Variants in RPS6KA5 observed in about 807,000 individuals in gnomAD.
RPS6KA5 encodes the protein ribosomal protein S6 kinase A5.
Under a neutral mutation model 85.5 loss-of-function variants are expected in RPS6KA5, and 27 were observed. That is an observed-to-expected ratio of 0.32 (90% confidence interval 0.23 to 0.44). The LOEUF is 0.44. Among genes scored for constraint, RPS6KA5 ranks in the 20% least tolerant of loss-of-function variants. The probability of loss-of-function intolerance (pLI) is 1.00; values close to 1 mark genes in which losing one functional copy is unlikely to be tolerated. For synonymous variants in RPS6KA5, 334 were observed against 348.2 expected (o/e 0.96, Z 0.46); for missense variants, 811 against 980.9 (o/e 0.83, Z 2.31).
At chr14:90,938,799 C>A (rs1236037447) in intron 5 of RPS6KA5, among the ~76,000 whole-genome samples, 1 of 152,148 alleles carries the variant, frequency 6.6e-6, no homozygotes, top group African/African-American at 2.4e-5. Context: ...CTGTGCCCGG[C>A]CCAGAAAACC....
At chr14:90,961,095 C>G (rs2038773232) in intron 3 of RPS6KA5, among the ~76,000 whole-genome samples, 1 of 152,206 alleles carries the variant, frequency 6.6e-6, no homozygotes, top group Non-Finnish European at 1.5e-5. Flanking sequence ...AAGTTTGTAT[C>G]TGAACACAGC....
Position 90,978,378 on chromosome 14 carries a change from T to C in RPS6KA5, c.322A>G (p.Ile108Val). The C allele has an allele frequency of 3.1e-6, 5 of 1,613,736 alleles. No individual in the cohort carries two copies. Among genetic ancestry groups the C allele is most frequent in the South Asian group, 2.2e-5 (2 of 90,896 alleles). ...TRTERQVLEH[I>V]RQSPFLVTLH... ...GTTACCAAAAATGGCGACTGCCTAA[T>C]GTGTTCCAGGACTTGTCGTTCTGTC... Residue 108 changes from isoleucine (I) to valine (V), a missense_variant, in exon 3 of 17, where the codon ATT becomes GTT. By Grantham distance (29) the Ile-to-Val change is conservative. Around this residue, in one of 3 missense-constraint regions of RPS6KA5, gnomAD observed 48 missense variants for 87.6 expected, o/e 0.55. Transcript: ENST00000614987.
chr14:90,931,738 G>A (rs2036990756), intron 5 of RPS6KA5, among the ~76,000 whole-genome samples: 1 of 151,872 alleles, frequency 6.6e-6, no homozygotes, highest in South Asian at 2.1e-4. Context: ...TAACATCAGG[G>A]GAAAAAATGC....
At position 91,024,938 on chromosome 14, in the gene RPS6KA5, G is replaced by A. The variant is rs188824027; in HGVS notation, c.104-23779C>T. The stretch of plus-strand genomic sequence containing the variant: ...GCTCTGTCACCCAGGCTGGAGTGCA[G>A]TGGTGTGATCTCAGCTCACTGCAAC... On this transcript the variant is annotated intron_variant, in intron 1 of 16. Transcript: ENST00000614987. 1.8e-4 allele frequency among the ~76,000 whole-genome samples: 28 copies of A among 152,132 alleles called. 1 individual carries two copies. In the East Asian group the frequency reaches 5.4e-3, roughly 29 times the overall value.
At chr14:90,958,356 C>T (rs1487923226) in intron 3 of RPS6KA5, among the ~76,000 whole-genome samples, 1 of 152,084 alleles carries the variant, frequency 6.6e-6, no homozygotes, top group Non-Finnish European at 1.5e-5. Context: ...TGGTGTATCT[C>T]CAATAATCAG....
At chr14:91,004,187 G>C (rs1331800036) in intron 1 of RPS6KA5, among the ~76,000 whole-genome samples, 2 of 152,130 alleles carry the variant, frequency 1.3e-5, no homozygotes, top group Admixed American at 1.3e-4. Context: ...CCGGGTTCAC[G>C]CCATTCTCCT....
intron 3 of RPS6KA5, among the ~76,000 whole-genome samples, chr14:90,949,291 A>G (rs899183882): frequency 2.0e-5 from 3 of 152,232 alleles, no homozygotes; most frequent in Non-Finnish European, 4.4e-5. Context: ...GTCCAATTCA[A>G]TCATCTCTTC....
chr14:90,948,710 A>C (rs1158980411), intron 3 of RPS6KA5, among the ~76,000 whole-genome samples: 2 of 151,800 alleles, frequency 1.3e-5, no homozygotes, highest in African/African-American at 4.8e-5. Context: ...AAAAAACAAA[A>C]AAACCCCAAA....
chr14:90,948,433 A>G (rs2037987042), intron 3 of RPS6KA5, among the ~76,000 whole-genome samples: 1 of 152,226 alleles, frequency 6.6e-6, no homozygotes, highest in African/African-American at 2.4e-5. Flanking sequence ...GCAGTGGCTC[A>G]CGCCTGTAAT....
intron 1 of RPS6KA5, among the ~76,000 whole-genome samples, chr14:91,047,047 CAAAAA>C (rs34036525): frequency 1.0e-5 from 1 of 100,426 alleles, no homozygotes. Context: ...ACCCTGTCTC[CAAAAA>C]AAAAAAAAAA....
intron 1 of RPS6KA5, among the ~76,000 whole-genome samples, chr14:91,053,863 T>C (rs2043198165): frequency 6.6e-6 from 1 of 152,162 alleles, no homozygotes. Context: ...CTAGAATCCA[T>C]ATGGAAATAC....
rs886669385 is a variant in RPS6KA5, at chr14:90,855,089, A to G, written c.*16985T>C. 1.1e-4 allele frequency: 16 copies of G among 152,250 alleles called. No homozygotes were observed. The highest frequency in any genetic ancestry group is 3.9e-4 in the African/African-American group (16 of 41,472). 9.4% of individuals were successfully genotyped at this position (152,250 alleles called of 1,614,324 possible). A position where few individuals can be genotyped will look rare whatever the true frequency, so the allele number is the denominator to read the frequency against. On this transcript the variant is annotated 3_prime_UTR_variant, in exon 17 of 17. Transcript: ENST00000614987. ...GATATCTCCATCAGCGAATAAAAAG[A>G]TGTATAAGTTCACTCATATTGATAA...
rs547640372 is a variant in RPS6KA5, at chr14:90,947,693, T to C, written c.395-143A>G. 7.5e-6 allele frequency: 4 copies of C among 536,776 alleles called. No individual in the cohort carries two copies. In the South Asian group the frequency reaches 8.7e-5, roughly 12 times the overall value. 33.3% of individuals were successfully genotyped at this position (536,776 alleles called of 1,614,324 possible). ...AATTTAGCATACAGTATCATGTAGA[T>C]AGAGTTCTAGATTCAGATAGCAATA... On this transcript the variant is annotated intron_variant, in intron 3 of 16. Coordinates refer to ENST00000614987, the MANE Select transcript of RPS6KA5 (RefSeq NM_004755.4).
intron 1 of RPS6KA5, among the ~76,000 whole-genome samples, chr14:91,004,162 T>C (rs913354226): frequency 1.3e-5 from 2 of 152,216 alleles, no homozygotes; most frequent in Admixed American, 1.3e-4. Context: ...CTCAGCTCAC[T>C]GCAAGCTCCG....
chr14:90,975,125 C>T (rs553700468), intron 3 of RPS6KA5, among the ~76,000 whole-genome samples: 1 of 152,010 alleles, frequency 6.6e-6, no homozygotes, highest in African/African-American at 2.4e-5. Flanking sequence ...TTTTGCTGTC[C>T]TGTATTTTCT....
intron 14 of RPS6KA5, among the ~76,000 whole-genome samples, chr14:90,876,647 T>C (rs545371190): frequency 6.6e-6 from 1 of 152,196 alleles, no homozygotes; most frequent in South Asian, 2.1e-4. Context: ...GGTTGGCTGG[T>C]GTTAAGTAGC....
At chr14:91,013,141 A>C (rs745608191) in intron 1 of RPS6KA5, among the ~76,000 whole-genome samples, 2 of 152,198 alleles carry the variant, frequency 1.3e-5, no homozygotes, top group African/African-American at 2.4e-5. Context: ...TGATGCCATA[A>C]GACATTTTTC....
At chr14:90,872,667 C>A (rs992710297) in intron 16 of RPS6KA5, among the ~76,000 whole-genome samples, 1 of 152,180 alleles carries the variant, frequency 6.6e-6, no homozygotes, top group African/African-American at 2.4e-5. Flanking sequence ...ATTGCTTTTA[C>A]TGGTTCTGTG....
intron 3 of RPS6KA5, among the ~76,000 whole-genome samples, chr14:90,973,706 A>G (rs2039426506): frequency 6.6e-6 from 1 of 152,158 alleles, no homozygotes. Context: ...TGGTGTTCAT[A>G]TGTTATGTTA....
Sources: allele counts gnomAD v4.1 joint callset (sites outside exome capture counted in the v4.1 genomes callset), GRCh38; gene constraint gnomAD v4.1.1; regional missense constraint gnomAD v4.1.1; transcripts MANE v1.5; gene names NCBI Gene and HGNC (gene_info 2026-07-23, HGNC 2026-07-21).